LEF1: variants seen among roughly 807,000 people sequenced by gnomAD.
LEF1 encodes lymphoid enhancer binding factor 1.
A neutral mutation model predicts 51.2 loss-of-function variants in LEF1; 14 were observed. The ratio of observed to expected loss-of-function variants is 0.27; its 90% CI spans 0.18 to 0.43. LEF1 has a LOEUF of 0.43. Among genes scored for constraint, LEF1 ranks in the 20% least tolerant of loss-of-function variants. The pLI, the probability that LEF1 is intolerant of heterozygous loss-of-function variation, is 1.00. For synonymous variants in LEF1, 185 were observed against 183.2 expected, an observed-to-expected ratio of 1.01 and a Z score of -0.08; for missense variants, 386 against 512.0, an observed-to-expected ratio of 0.75 and a Z score of 2.37.
intron 3 of LEF1, among the ~76,000 whole-genome samples, chr4:108,118,101 G>C (rs1401112272): frequency 1.3e-5 from 2 of 152,178 alleles, no homozygotes; most frequent in Non-Finnish European, 2.9e-5. Context: ...AGTTGCATAA[G>C]ATCCCACAGC....
At chr4:108,114,453 T>C (rs1249242161) in intron 3 of LEF1, among the ~76,000 whole-genome samples, 1 of 152,148 alleles carries the variant, frequency 6.6e-6, no homozygotes, top group South Asian at 2.1e-4. Context: ...AGAAAGTGGT[T>C]ATTGCAGAAA....
intron 7 of LEF1, among the ~76,000 whole-genome samples, chr4:108,079,283 G>T (rs1369583398): frequency 6.6e-6 from 1 of 152,142 alleles, no homozygotes; most frequent in Admixed American, 6.5e-5. Context: ...GATCTTTTAG[G>T]GTCCGTGCTC....
rs377292482 is a variant in LEF1, at chr4:108,064,387, G to A, written c.1117-3C>T. ...CTCTTCCTCTTCTTTTTCTTACCCT[G>A]GAAGAAGAGAGGTATACTGTCATGT... On this transcript the variant is annotated splice_region_variant and splice_polypyrimidine_tract_variant and intron_variant, in intron 9 of 11. Transcript: ENST00000265165. 8 of 1,606,604 alleles carry A rather than the reference G, an allele frequency of 5.0e-6. No homozygotes were observed. Among genetic ancestry groups the A allele is most frequent in the African/African-American group, 2.7e-5 (2 of 74,796 alleles).
intron 3 of LEF1, among the ~76,000 whole-genome samples, chr4:108,104,376 T>A (rs1157173216): frequency 6.6e-6 from 1 of 150,408 alleles, no homozygotes; most frequent in African/African-American, 2.4e-5. Flanking sequence ...GAAGGCTAAT[T>A]TTACTTTATA....
chr4:108,099,570 G>GTGTGTGTGTGTGTA (rs1266681210), intron 3 of LEF1, among the ~76,000 whole-genome samples: 1 of 70,196 alleles, frequency 1.4e-5, no homozygotes, highest in Non-Finnish European at 2.9e-5. Flanking sequence ...GTGTGTGTGT[G>GTGTGTGTGTGTGTA]TATATATATA....
At chr4:108,077,369 C>T (rs1397974999) in intron 8 of LEF1, among the ~76,000 whole-genome samples, 2 of 151,966 alleles carry the variant, frequency 1.3e-5, no homozygotes, top group Non-Finnish European at 2.9e-5. Flanking sequence ...TGCCCGGCTG[C>T]CGCCCTGTCT....
At chr4:108,081,782 T>A (rs1739324218) in intron 5 of LEF1, 113 bp from the exon 6 acceptor site, 1 of 737,592 alleles carries the variant, frequency 1.4e-6, no homozygotes, top group South Asian at 1.6e-5. Context: ...CTTGTGGAAG[T>A]ATTACAGACC....
chr4:108,155,047 A>G (rs1324200463), intron 3 of LEF1, among the ~76,000 whole-genome samples: 4 of 152,204 alleles, frequency 2.6e-5, no homozygotes, highest in Non-Finnish European at 2.9e-5. Flanking sequence ...GGGCAAAAAA[A>G]AATAACTTGC....
chr4:108,147,692 A>G (rs201945888), intron 3 of LEF1, among the ~76,000 whole-genome samples: 108 of 152,360 alleles, frequency 7.1e-4, no homozygotes, highest in African/African-American at 2.6e-3. Context: ...GATTCCCTGC[A>G]ATGAATTCAG....
At chr4:108,089,637 A>G (rs1739877720) in intron 3 of LEF1, among the ~76,000 whole-genome samples, 1 of 152,234 alleles carries the variant, frequency 6.6e-6, no homozygotes, top group Non-Finnish European at 1.5e-5. Flanking sequence ...TGAATGTTTT[A>G]CAACATTTGT....
intron 3 of LEF1, among the ~76,000 whole-genome samples, chr4:108,139,270 T>C (rs911296613): frequency 1.1e-4 from 17 of 152,234 alleles, no homozygotes; most frequent in Admixed American, 3.9e-4. Flanking sequence ...CATCAGTGCG[T>C]GGTTGTTTTC....
At chr4:108,079,080 T>G (rs1739106757) in intron 7 of LEF1, among the ~76,000 whole-genome samples, 1 of 152,224 alleles carries the variant, frequency 6.6e-6, no homozygotes, top group Non-Finnish European at 1.5e-5. Flanking sequence ...TCTGTGCTGT[T>G]GAAGCTTGGA....
At chr4:108,127,512 T>G (rs754408186) in intron 3 of LEF1, among the ~76,000 whole-genome samples, 12 of 152,166 alleles carry the variant, frequency 7.9e-5, no homozygotes, top group Non-Finnish European at 1.6e-4. Context: ...ACAAATTATG[T>G]ACAATTACAA....
rs371732743 is a variant in LEF1 at position 108,143,073 on chromosome 4, T to C, written c.414+20495A>G. On this transcript the variant is annotated intron_variant, in intron 3 of 11. Transcript: ENST00000265165. The stretch of plus-strand genomic sequence containing the variant: ...TTCTTAGTTCTGAAACACCAAGTAA[T>C]TGGCGAACAAAAGCCATCTTTGTTT... Among the ~76,000 whole-genome samples the C allele has an allele frequency of 2.6e-5, 4 of 152,212 alleles. No homozygotes were observed. The South Asian group carries it at 6.2e-4, about 24-fold the overall frequency.
At chr4:108,114,375 T>C (rs1428926780) in intron 3 of LEF1, among the ~76,000 whole-genome samples, 1 of 152,178 alleles carries the variant, frequency 6.6e-6, no homozygotes, top group Non-Finnish European at 1.5e-5. Context: ...GAATCATATA[T>C]ATGATGATAA....
At position 108,088,828 on chromosome 4, in the gene LEF1, G is replaced by A. The variant is rs566008885; in HGVS notation, c.547+297C>T. ...TGCTGAAATAAATGAATATTGTAGAGTACTGACTTTTTAGTATATTTGCAC... is the reference window on the plus strand; with the variant it reads ...TGCTGAAATAAATGAATATTGTAGAATACTGACTTTTTAGTATATTTGCAC... On this transcript the variant is annotated intron_variant, in intron 4 of 11. Coordinates refer to ENST00000265165, the MANE Select transcript of LEF1 (RefSeq NM_016269.5). 2.0e-5 allele frequency among the ~76,000 whole-genome samples: 3 copies of A among 152,190 alleles called. No homozygotes were observed. In the South Asian group the frequency reaches 6.2e-4, roughly 32 times the overall value.
intron 3 of LEF1, among the ~76,000 whole-genome samples, chr4:108,097,231 T>C (rs1054136696): frequency 2.0e-5 from 3 of 152,170 alleles, no homozygotes; most frequent in African/African-American, 7.2e-5. Flanking sequence ...ATGTGGTATA[T>C]ACCCAATGAA....
intron 3 of LEF1, among the ~76,000 whole-genome samples, chr4:108,096,629 A>G (rs969966266): frequency 6.6e-6 from 1 of 152,152 alleles, no homozygotes; most frequent in African/African-American, 2.4e-5. Context: ...GAGCAAAGGA[A>G]ATAGTCAACG....
chr4:108,054,106 G>A (rs1438532487), intron 11 of LEF1, among the ~76,000 whole-genome samples: 1 of 152,174 alleles, frequency 6.6e-6, no homozygotes, highest in African/African-American at 2.4e-5. Context: ...AACTTGTATG[G>A]GTTAGAGTGT....
Sources: gnomAD v4.1 joint callset for allele counts (sites outside exome capture counted in the v4.1 genomes callset) on GRCh38, gnomAD v4.1.1 for gene constraint, MANE v1.5 for transcripts, NCBI Gene and HGNC (gene_info 2026-07-23, HGNC 2026-07-21) for gene names.